The following ZBTB20 variants were observed in gnomAD, a reference collection of about 807,000 sequenced individuals.
The protein encoded by ZBTB20 is zinc finger and BTB domain-containing protein 20.
ZBTB20 carries 9 observed loss-of-function variants against 56.9 expected under a neutral mutation model. The observed-to-expected ratio is 0.16, with a 90% CI of 0.10 to 0.28. ZBTB20 has a LOEUF of 0.28. Among genes scored for constraint, ZBTB20 ranks in the 10% least tolerant of loss-of-function variants. The pLI, the probability that ZBTB20 is intolerant of heterozygous loss-of-function variation, is 1.00. For missense variants in ZBTB20, 655 were observed against 1,003.0 expected (o/e 0.65, Z 4.69); for synonymous variants, 417 against 420.7 (o/e 0.99, Z 0.11).
chr3:114,576,316 A>G (rs997989900), intron 6 of ZBTB20, among the ~76,000 whole-genome samples: 10 of 151,424 alleles, frequency 6.6e-5, no homozygotes, highest in Non-Finnish European at 1.0e-4. Context: ...TGGCTAACAC[A>G]GTGAAACCCC....
At chr3:114,981,173 C>T (rs2078311042) in intron 2 of ZBTB20, among the ~76,000 whole-genome samples, 1 of 151,844 alleles carries the variant, frequency 6.6e-6, no homozygotes, top group Non-Finnish European at 1.5e-5. Flanking sequence ...CCAATAAAAA[C>T]CCCTTGCTTT....
chr3:114,471,853 T>C (rs11714962), intron 7 of ZBTB20, among the ~76,000 whole-genome samples: 51,041 of 152,000 alleles, frequency 0.34, 11,592 homozygotes, highest in African/African-American at 0.65. Flanking sequence ...AAACCTCATT[T>C]ACACCTTGGA....
At chr3:115,069,901 C>T (rs1308387482) in intron 2 of ZBTB20, among the ~76,000 whole-genome samples, 1 of 150,984 alleles carries the variant, frequency 6.6e-6, no homozygotes, top group African/African-American at 2.4e-5. Context: ...TTTCATTTTA[C>T]ACAAAAGGAC....
chr3:115,055,400 T>G (rs1036234163), intron 2 of ZBTB20, among the ~76,000 whole-genome samples: 1 of 152,090 alleles, frequency 6.6e-6, no homozygotes, highest in Non-Finnish European at 1.5e-5. Flanking sequence ...ATATCTTCAC[T>G]GCAACCTACA....
intron 6 of ZBTB20, among the ~76,000 whole-genome samples, chr3:114,635,807 G>A (rs996649513): frequency 1.3e-5 from 2 of 151,998 alleles, no homozygotes; most frequent in African/African-American, 4.8e-5. Flanking sequence ...TGACTTATGG[G>A]ACTCAAACAA....
chr3:114,840,157 A>G (rs973289813), intron 4 of ZBTB20, among the ~76,000 whole-genome samples: 1 of 152,176 alleles, frequency 6.6e-6, no homozygotes, highest in Non-Finnish European at 1.5e-5. Flanking sequence ...AAGTTACTTT[A>G]TATCTCTATC....
At position 114,321,137 on chromosome 3, in the gene ZBTB20, G is replaced by A. The variant is rs1435597378; in HGVS notation, c.*17868C>T. 6.6e-6 allele frequency: 1 copy of A among 152,182 alleles called. No homozygotes were observed. The highest frequency in any genetic ancestry group is 1.5e-5 in the Non-Finnish European group (1 of 68,048). 9.4% of individuals were successfully genotyped at this position (152,182 alleles called of 1,614,324 possible). On this transcript the variant is annotated 3_prime_UTR_variant, in exon 12 of 12. Transcript: ENST00000675478. The stretch of plus-strand genomic sequence containing the variant: ...ACTGGTATTTATATTTAATTTGGAG[G>A]AATTTCCAGCCCACTGATAAAGAGA...
At chr3:114,377,253 A>T (rs544148157) in intron 10 of ZBTB20, among the ~76,000 whole-genome samples, 1 of 152,268 alleles carries the variant, frequency 6.6e-6, no homozygotes, top group East Asian at 1.9e-4. Flanking sequence ...AGAGGTGGTA[A>T]GCTAGGGGGT....
chr3:114,583,308 A>C (rs1219938469), intron 6 of ZBTB20, among the ~76,000 whole-genome samples: 2 of 152,210 alleles, frequency 1.3e-5, no homozygotes, highest in African/African-American at 4.8e-5. Flanking sequence ...AAACCCTCAA[A>C]AATTAAGTTT....
intron 6 of ZBTB20, among the ~76,000 whole-genome samples, chr3:114,599,632 T>C (rs1182785601): frequency 6.6e-6 from 1 of 152,124 alleles, no homozygotes; most frequent in African/African-American, 2.4e-5. Context: ...TAACTCTTAT[T>C]GGTTGCTTTC....
At chr3:114,854,936 T>A (rs2075175474) in intron 4 of ZBTB20, among the ~76,000 whole-genome samples, 1 of 152,222 alleles carries the variant, frequency 6.6e-6, no homozygotes, top group Non-Finnish European at 1.5e-5. Context: ...ACTAATCTTA[T>A]AGTTCCAATA....
chr3:115,048,532 T>C (rs904633968), intron 2 of ZBTB20, among the ~76,000 whole-genome samples: 2 of 152,186 alleles, frequency 1.3e-5, no homozygotes, highest in Non-Finnish European at 2.9e-5. Flanking sequence ...GAAATGTCTG[T>C]CATTTCAGGT....
chr3:114,463,094 C>T (rs2092400753), intron 7 of ZBTB20, among the ~76,000 whole-genome samples: 1 of 152,176 alleles, frequency 6.6e-6, no homozygotes, highest in Non-Finnish European at 1.5e-5. Context: ...TTAAGCAAGT[C>T]ATCTGTCCTT....
intron 2 of ZBTB20, among the ~76,000 whole-genome samples, chr3:115,059,735 T>C (rs992577945): frequency 1.3e-5 from 2 of 152,164 alleles, no homozygotes; most frequent in African/African-American, 4.8e-5. Context: ...GTGATCACTG[T>C]GCTCTGTTTA....
intron 3 of ZBTB20, among the ~76,000 whole-genome samples, chr3:114,905,754 G>A (rs57043394): frequency 1.3e-3 from 190 of 151,914 alleles, no homozygotes; most frequent in African/African-American, 4.3e-3. Flanking sequence ...CTTAAAATAT[G>A]AGAATTTGAG....
chr3:114,839,722 G>A (rs1003922945), intron 4 of ZBTB20, among the ~76,000 whole-genome samples: 4 of 152,112 alleles, frequency 2.6e-5, no homozygotes, highest in East Asian at 1.9e-4. Context: ...CAGGGAAGCC[G>A]TAAATCCAAT....
intron 7 of ZBTB20, among the ~76,000 whole-genome samples, chr3:114,460,041 T>C (rs1303115162): frequency 6.6e-6 from 1 of 152,092 alleles, no homozygotes; most frequent in East Asian, 1.9e-4. Flanking sequence ...ATATTTTATC[T>C]GACAAGCTTA....
chr3:114,740,340 T>C (rs2066484599), intron 5 of ZBTB20, among the ~76,000 whole-genome samples: 1 of 152,194 alleles, frequency 6.6e-6, no homozygotes, highest in Admixed American at 6.5e-5. Context: ...TGCTAATGAA[T>C]GGTAAATTTT....
chr3:114,960,491 G>A (rs887915180), intron 3 of ZBTB20, among the ~76,000 whole-genome samples: 1 of 152,140 alleles, frequency 6.6e-6, no homozygotes, highest in Non-Finnish European at 1.5e-5. Flanking sequence ...AATTGCCCAA[G>A]GTTAAAACAT....
Sources: gnomAD v4.1 joint callset for allele counts (sites outside exome capture counted in the v4.1 genomes callset) on GRCh38, gnomAD v4.1.1 for gene constraint, MANE v1.5 for transcripts, NCBI Gene and HGNC (gene_info 2026-07-23, HGNC 2026-07-21) for gene names.